ADGRL3: variants seen among roughly 807,000 people sequenced by gnomAD.
ADGRL3 encodes calcium-independent alpha-latrotoxin receptor 3.
ADGRL3 carries 62 observed loss-of-function variants against 153.5 expected under a neutral mutation model. That is an observed-to-expected ratio of 0.40 (90% CI 0.33 to 0.50). The LOEUF (loss-of-function observed/expected upper bound fraction) is 0.50. Among genes scored for constraint, ADGRL3 ranks in the 20% least tolerant of loss-of-function variants. The pLI is 0.47. For missense variants in ADGRL3, 1,641 were observed against 1,859.4 expected (o/e 0.88, Z 2.16); for synonymous variants, 710 against 672.5 (o/e 1.06, Z -0.86).
At chr4:61,421,765 A>G (rs1431209745) in intron 2 of ADGRL3, among the ~76,000 whole-genome samples, 1 of 152,154 alleles carries the variant, frequency 6.6e-6, no homozygotes, top group Non-Finnish European at 1.5e-5. Flanking sequence ...AAGTATTGTA[A>G]TGACAGATAG....
intron 9 of ADGRL3, among the ~76,000 whole-genome samples, chr4:61,880,642 A>T (rs2098503433): frequency 1.3e-5 from 2 of 152,234 alleles, no homozygotes; most frequent in African/African-American, 4.8e-5. Context: ...CTTGCACTTA[A>T]GAAGAACTGT....
chr4:61,576,137 CATT>C (rs977454595), intron 4 of ADGRL3, among the ~76,000 whole-genome samples: 23 of 151,888 alleles, frequency 1.5e-4, no homozygotes, highest in African/African-American at 5.5e-4. Flanking sequence ...TTCAGAATAT[CATT>C]GTTGTTGTTA....
Position 61,432,636 on chromosome 4 carries a change from TTCTTTCTTTCTTTCTTTC to T in ADGRL3, c.-174+49449_-174+49466del, listed in dbSNP as rs1224409338. ...TTTCTTTCTTTCTTTCTTTCTTTCT[TTCTTTCTTTCTTTCTTTC>T]TTTTTTTTTTTTTTTTGAGACAGAA... On this transcript the variant is annotated intron_variant, in intron 2 of 26. Coordinates refer to ENST00000683033, the MANE Select transcript of ADGRL3 (RefSeq NM_001387552.1). 2.6e-4 allele frequency among the ~76,000 whole-genome samples: 22 copies of T among 83,700 alleles called. 1 individual carries two copies. The highest frequency in any genetic ancestry group is 3.5e-4 in the Non-Finnish European group (14 of 39,718). 54.9% of individuals were successfully genotyped at this position (83,700 alleles called of 152,430 possible).
chr4:61,431,727 A>G (rs1201035417), intron 2 of ADGRL3, among the ~76,000 whole-genome samples: 1 of 152,218 alleles, frequency 6.6e-6, no homozygotes, highest in Non-Finnish European at 1.5e-5. Flanking sequence ...AAAGGAATGT[A>G]TTTTAAGTCA....
intron 6 of ADGRL3, among the ~76,000 whole-genome samples, chr4:61,690,248 C>T (rs2095515966): frequency 6.6e-6 from 1 of 151,872 alleles, no homozygotes; most frequent in Non-Finnish European, 1.5e-5. Context: ...AGTTCAAGAC[C>T]ATCCTTGGTA....
intron 2 of ADGRL3, among the ~76,000 whole-genome samples, chr4:61,429,544 A>T (rs530256177): frequency 6.6e-6 from 1 of 152,262 alleles, no homozygotes; most frequent in East Asian, 1.9e-4. Flanking sequence ...CCACTTCTGT[A>T]GCTTAGACTT....
chr4:61,476,745 A>T (rs1309773098), intron 2 of ADGRL3, among the ~76,000 whole-genome samples: 2 of 149,536 alleles, frequency 1.3e-5, no homozygotes, highest in African/African-American at 4.9e-5. Flanking sequence ...AAAACAAAAA[A>T]ACATAGAAGA....
At chr4:61,253,913 C>G (rs1326168387) in intron 1 of ADGRL3, among the ~76,000 whole-genome samples, 2 of 152,148 alleles carry the variant, frequency 1.3e-5, no homozygotes, top group Non-Finnish European at 2.9e-5. Flanking sequence ...TCTTGCAGCT[C>G]TAAATCCCTA....
chr4:61,407,172 T>A lies in ADGRL3; in HGVS notation c.-174+23983T>A, dbSNP rs568429798. 3.9e-5 allele frequency among the ~76,000 whole-genome samples: 6 copies of A among 152,162 alleles called. No homozygotes were observed. In the East Asian group the frequency reaches 1.2e-3, roughly 30 times the overall value. ...AAACCCTTACAATAATTTATTATAA[T>A]TTTGCAGATTTCATAATAGAGATAA... On this transcript the variant is annotated intron_variant, in intron 2 of 26. Transcript: ENST00000683033.
chr4:61,756,496 C>T (rs897070473), intron 8 of ADGRL3, among the ~76,000 whole-genome samples: 2 of 151,934 alleles, frequency 1.3e-5, no homozygotes, highest in African/African-American at 4.8e-5. Context: ...CTGAAGTTGC[C>T]TATCAACTTA....
chr4:61,743,396 TTCGGTATTTG>T (rs1046097929), intron 8 of ADGRL3, among the ~76,000 whole-genome samples: 1 of 147,594 alleles, frequency 6.8e-6, no homozygotes, highest in African/African-American at 2.5e-5. Context: ...AAGTGAAGAG[TTCGGTATTTG>T]TTGACATTAA....
At chr4:61,451,695 C>A (rs189644592) in intron 2 of ADGRL3, among the ~76,000 whole-genome samples, 3 of 152,210 alleles carry the variant, frequency 2.0e-5, no homozygotes, top group Non-Finnish European at 2.9e-5. Context: ...ATTCTAGAAG[C>A]CCAACTGTAA....
intron 1 of ADGRL3, among the ~76,000 whole-genome samples, chr4:61,350,372 G>A: frequency 6.7e-6 from 1 of 148,430 alleles, no homozygotes; most frequent in African/African-American, 2.5e-5. Context: ...TCTATCTGGG[G>A]AAATGTACAT....
intron 2 of ADGRL3, among the ~76,000 whole-genome samples, chr4:61,433,897 T>C (rs957725566): frequency 7.2e-5 from 11 of 152,306 alleles, no homozygotes; most frequent in African/African-American, 2.2e-4. Context: ...TCCCTTCATG[T>C]CAAAGACTTT....
intron 6 of ADGRL3, among the ~76,000 whole-genome samples, chr4:61,724,617 G>A (rs1391366917): frequency 6.6e-6 from 1 of 152,144 alleles, no homozygotes; most frequent in South Asian, 2.1e-4. Flanking sequence ...AGTGATGCAT[G>A]GGTATTATTT....
At chr4:61,929,238 C>T (rs551363843) in intron 13 of ADGRL3, among the ~76,000 whole-genome samples, 13 of 152,166 alleles carry the variant, frequency 8.5e-5, no homozygotes, top group African/African-American at 9.6e-5. Flanking sequence ...TTTGTTTCTC[C>T]CTTGTACCAT....
At chr4:61,825,245 A>G (rs754805377) in intron 9 of ADGRL3, among the ~76,000 whole-genome samples, 9 of 152,220 alleles carry the variant, frequency 5.9e-5, no homozygotes, top group African/African-American at 9.6e-5. Flanking sequence ...TGCTGAGTAT[A>G]TGGCCATGGA....
At chr4:62,038,403 C>T (rs1376895439) in intron 24 of ADGRL3, among the ~76,000 whole-genome samples, 4 of 152,020 alleles carry the variant, frequency 2.6e-5, no homozygotes, top group African/African-American at 4.8e-5. Flanking sequence ...CAGCACTAGA[C>T]GTAGCAGTAT....
chr4:61,774,826 G>GT, intron 8 of ADGRL3, among the ~76,000 whole-genome samples: 1 of 152,260 alleles, frequency 6.6e-6, no homozygotes, highest in East Asian at 1.9e-4. Context: ...GAAAAACCTG[G>GT]TATGTGTACT....
Sources: allele counts gnomAD v4.1 joint callset (sites outside exome capture counted in the v4.1 genomes callset), GRCh38; gene constraint gnomAD v4.1.1; transcripts MANE v1.5; gene names NCBI Gene and HGNC (gene_info 2026-07-23, HGNC 2026-07-21).